Variants in APC2 observed in about 807,000 individuals in gnomAD.
The protein encoded by APC2 is APC regulator of Wnt signaling pathway 2.
In APC2, 41 loss-of-function variants were observed where a neutral mutation model predicts 72.5. That is an observed-to-expected ratio of 0.57 (90% CI 0.44 to 0.73). The LOEUF (loss-of-function observed/expected upper bound fraction) is 0.73, where lower values mean the gene tolerates loss of function less well. Ranked by LOEUF, APC2 falls within the 30% of genes least tolerant of loss-of-function variation. The pLI is 0.00. For synonymous variants in APC2, 1,898 were observed against 1,612.0 expected, an observed-to-expected ratio of 1.18 and a Z score of -4.25; for missense variants, 3,729 against 3,403.4, an observed-to-expected ratio of 1.10 and a Z score of -2.38.
chr19:1,453,031 G>A lies in APC2; in HGVS notation c.30G>A (p.Gln10=). Residue 10 remains glutamine (Q), a synonymous_variant, in exon 2 of 15, where the codon CAG becomes CAA. Transcript: ENST00000590469. ...CGAGCTCCGTGGCGCCCTACGAGCA[G>A]CTGGTGAGGCAGGTGGAGGCCTTGA... The part of the protein sequence containing the change: MASSVAPYE[Q]LVRQVEALKA... The A allele has an allele frequency of 6.2e-7, 1 of 1,611,374 alleles. No individual in the cohort carries two copies. Among genetic ancestry groups the A allele is most frequent in the Non-Finnish European group, 8.5e-7 (1 of 1,179,960 alleles).
In APC2 at chr19:1,469,362, C is replaced by T; in HGVS notation, c.6061C>T (p.Pro2021Ser). Residue 2021 changes from proline (P) to serine (S), a missense_variant, in exon 15 of 15, where the codon CCC becomes TCC. By Grantham distance (74) the Pro-to-Ser change is moderately conservative. Coordinates refer to ENST00000590469, the MANE Select transcript of APC2 (RefSeq NM_005883.3). ...LSSAESAASA[P>S]QGASPRRGRP... ...CTCGGCCGAGTCCGCGGCCTCTGCCCCCCAGGGCGCCTCGCCCCGCCGCGG... is the reference window on the plus strand; with the variant it reads ...CTCGGCCGAGTCCGCGGCCTCTGCCTCCCAGGGCGCCTCGCCCCGCCGCGG... 1 of 1,269,122 alleles carries T rather than the reference C, an allele frequency of 7.9e-7. No individual in the cohort carries two copies. Among genetic ancestry groups the T allele is most frequent in the African/African-American group, 1.6e-5 (1 of 63,264 alleles). The allele number at this position is 1,269,122 out of a possible 1,614,324, so 78.6% of individuals were successfully genotyped here.
At chr19:1,462,200 GCA>G in intron 14 of APC2, 23 bp downstream of exon 14, 1 of 1,213,856 alleles carries the variant, frequency 8.2e-7, no homozygotes, top group Non-Finnish European at 1.1e-6. Flanking sequence ...CCCCCCACCC[GCA>G]CACAGGCAGC....
chr19:1,455,375 C>A lies in APC2; in HGVS notation c.523-9C>A, dbSNP rs528448967. ...CCCTCACCGTGGCCCGCCCGCCTGC[C>A]TTTGCCAGCAGTTCTCGATGCAGAT... On this transcript the variant is annotated splice_polypyrimidine_tract_variant and intron_variant, in intron 5 of 14. Coordinates refer to ENST00000590469, the MANE Select transcript of APC2 (RefSeq NM_005883.3). 1 of 1,607,280 alleles carries A rather than the reference C, an allele frequency of 6.2e-7. No individual in the cohort carries two copies. Among genetic ancestry groups the A allele is most frequent in the East Asian group, 2.2e-5 (1 of 44,652 alleles).
chr19:1,466,860 G>A lies in APC2; in HGVS notation c.3559G>A (p.Gly1187Arg), dbSNP rs866058273. ...CTCCATCCCCAGTGAACCTTGCAGCGGGCAGGGCAGCGGCACCATCAGCCC... is the reference window on the plus strand; with the variant it reads ...CTCCATCCCCAGTGAACCTTGCAGCAGGCAGGGCAGCGGCACCATCAGCCC... ...ASSIPSEPCS[G>R]QGSGTISPSE... Residue 1187 changes from glycine (G) to arginine (R), a missense_variant, in exon 15 of 15, where the codon GGG becomes AGG. By Grantham distance (125) the Gly-to-Arg change is moderately radical. Transcript: ENST00000590469. The A allele has an allele frequency of 5.1e-6, 8 of 1,561,730 alleles. No individual in the cohort carries two copies. The African/African-American group carries it at 6.8e-5, about 13-fold the overall frequency.
chr19:1,450,261 C>T lies in APC2; in HGVS notation c.-96C>T, dbSNP rs1388112186. On this transcript the variant is annotated 5_prime_UTR_variant, in exon 1 of 15. Transcript: ENST00000590469. The stretch of plus-strand genomic sequence containing the variant: ...CGAGGCCACCCCGGGCCGGGATTTC[C>T]GGTGGGGCCCGCGGAGCCGCGCAGA... 1.0e-6 allele frequency: 1 copy of T among 985,416 alleles called. No homozygotes were observed. The highest frequency in any genetic ancestry group is 1.2e-6 in the Non-Finnish European group (1 of 829,930). 61.0% of individuals were successfully genotyped at this position (985,416 alleles called of 1,614,324 possible).
upstream of APC2, among the ~76,000 whole-genome samples, chr19:1,447,388 G>C (rs189151429): frequency 6.6e-6 from 1 of 152,196 alleles, no homozygotes; most frequent in Non-Finnish European, 1.5e-5. Context: ...GCGGACTTGC[G>C]GGGAGGTGTC....
Position 1,450,188 on chromosome 19 carries a change from C to T in APC2, c.-169C>T, listed in dbSNP as rs1599127010. ...CCAGGCCCGGACCGGGCTTTGTCCG[C>T]CCCGGAGCCCCTGCCCGCGCCGCGG... On this transcript the variant is annotated 5_prime_UTR_variant, in exon 1 of 15. Coordinates refer to ENST00000590469, the MANE Select transcript of APC2 (RefSeq NM_005883.3). The T allele has an allele frequency of 1.0e-6, 1 of 985,370 alleles. No individual in the cohort carries two copies. Among genetic ancestry groups the T allele is most frequent in the Non-Finnish European group, 1.2e-6 (1 of 829,914 alleles). 61.0% of individuals were successfully genotyped at this position (985,370 alleles called of 1,614,324 possible).
rs1400355723 is a variant in APC2 at position 1,466,076 on chromosome 19, C to T, written c.2775C>T (p.Asp925=). The change falls in exon 15 of 15, where the codon GAC becomes GAT. Residue 925 remains aspartate, a synonymous_variant. Transcript: ENST00000590469. ...LKAAHASLSN[D]SLNSGSASDG... ...CGGCCCACGCCAGCCTCTCCAACGA[C>T]AGCCTCAACAGCGGCAGTGCCAGCG... 1 of 1,523,610 alleles carries T rather than the reference C, an allele frequency of 6.6e-7. No individual in the cohort carries two copies. Among genetic ancestry groups the T allele is most frequent in the Non-Finnish European group, 8.7e-7 (1 of 1,144,452 alleles). The allele number at this position is 1,523,610 out of a possible 1,614,324, so 94.4% of individuals were successfully genotyped here.
chr19:1,461,510 G>A (rs1053841083), intron 13 of APC2: 29 of 370,472 alleles, frequency 7.8e-5, no homozygotes, highest in East Asian at 1.2e-4. Context: ...CGGAGGTTGC[G>A]CCACTGCATT....
chr19:1,453,814 C>T (rs1220583112), intron 4 of APC2, among the ~76,000 whole-genome samples: 4 of 152,210 alleles, frequency 2.6e-5, no homozygotes, highest in Admixed American at 2.6e-4. Context: ...CTCCCCAGCC[C>T]GGCTGACCTC....
chr19:1,467,293 GCCCTCGCGGCGCCGCGGA>G lies in APC2; in HGVS notation c.3995_4012del (p.Pro1332_Asp1337del), dbSNP rs1333268031. The G allele has an allele frequency of 4.8e-5, 64 of 1,321,538 alleles. No homozygotes were observed. The highest frequency in any genetic ancestry group is 6.2e-5 in the Non-Finnish European group (64 of 1,039,836). 81.9% of individuals were successfully genotyped at this position (1,321,538 alleles called of 1,614,324 possible). ...GAGGGGCCGGCGCCCACGGGTTCTC[GCCCTCGCGGCGCCGCGGA>G]CCAGGAGCTGGAACTGCTGCGGGAG... On this transcript the variant is annotated inframe_deletion, in exon 15 of 15. Coordinates refer to ENST00000590469, the MANE Select transcript of APC2 (RefSeq NM_005883.3).
intron 9 of APC2, chr19:1,457,445 C>A: frequency 1.4e-6 from 1 of 734,092 alleles, no homozygotes; most frequent in Non-Finnish European, 2.1e-6. Flanking sequence ...GCAGAGTAAA[C>A]GCTCGGGAAG....
Position 1,450,163 on chromosome 19 carries a change from C to A in APC2, c.-194C>A. On this transcript the variant is annotated 5_prime_UTR_variant, in exon 1 of 15. Coordinates refer to ENST00000590469, the MANE Select transcript of APC2 (RefSeq NM_005883.3). ...CGCTAGGAGCGGCAGCGCCGCCTGCCCAGGCCCGGACCGGGCTTTGTCCGC... is the reference window on the plus strand; with the variant it reads ...CGCTAGGAGCGGCAGCGCCGCCTGCACAGGCCCGGACCGGGCTTTGTCCGC... 1 of 985,326 alleles carries A rather than the reference C, an allele frequency of 1.0e-6. No homozygotes were observed. The highest frequency in any genetic ancestry group is 1.1e-4 in the East Asian group (1 of 8,788). 61.0% of individuals were successfully genotyped at this position (985,326 alleles called of 1,614,324 possible).
chr19:1,461,945 C>T lies in APC2; in HGVS notation c.1639-18C>T. Reference sequence around the variant, plus strand: ...GCCACTCAGGCCCTGACCCGCCCCTCTCCCGCCCCTCGTCCAGGAGTCCAC... The same window carrying T: ...GCCACTCAGGCCCTGACCCGCCCCTTTCCCGCCCCTCGTCCAGGAGTCCAC... On this transcript the variant is annotated intron_variant, in intron 13 of 14. Coordinates refer to ENST00000590469, the MANE Select transcript of APC2 (RefSeq NM_005883.3). The T allele has an allele frequency of 6.3e-7, 1 of 1,593,274 alleles. No homozygotes were observed. The highest frequency in any genetic ancestry group is 1.1e-5 in the South Asian group (1 of 90,530).
At chr19:1,450,098 T>G (rs557587357), upstream of APC2, 12 of 973,076 alleles carry the variant, frequency 1.2e-5, no homozygotes, top group Non-Finnish European at 1.5e-5. Context: ...CCCGCATCCC[T>G]CATCCCGCAT....
rs762710357 is a variant in APC2 at position 1,465,635 on chromosome 19, TGAC to T, written c.2343_2345del (p.Asp782del). 1 of 1,603,912 alleles carries T rather than the reference TGAC, an allele frequency of 6.2e-7. No homozygotes were observed. Among genetic ancestry groups the T allele is most frequent in the African/African-American group, 1.3e-5 (1 of 74,716 alleles). On this transcript the variant is annotated inframe_deletion, in exon 15 of 15. Coordinates refer to ENST00000590469, the MANE Select transcript of APC2 (RefSeq NM_005883.3). ...ACTATGCTTCCGATTCGGGCTGCTT[TGAC>T]GACGACGATGCACCGTCATCCCTGG...
intron 13 of APC2, 158 bp from the exon 14 acceptor site, chr19:1,461,805 T>TCTCGCCACTGCACTCCAGCCTGGGGGAG: frequency 1.6e-6 from 1 of 630,576 alleles, no homozygotes; most frequent in Non-Finnish European, 2.7e-6. Context: ...TGAGTCGAGA[T>TCTCGCCACTGCACTCCAGCCTGGGGGAG]CTCGCCACTG....
In APC2 at chr19:1,467,039, C is replaced by T; in HGVS notation, c.3738C>T (p.Cys1246=). ...YVKRFLDIAD[C]RERCRLPSEL... ...AGCGCTTCCTGGACATCGCCGACTGCCGGGAGCGCTGCCGGCTGCCATCTG... is the reference window on the plus strand; with the variant it reads ...AGCGCTTCCTGGACATCGCCGACTGTCGGGAGCGCTGCCGGCTGCCATCTG... Residue 1246 remains cysteine, a synonymous_variant, in exon 15 of 15, where the codon TGC becomes TGT. Coordinates refer to ENST00000590469, the MANE Select transcript of APC2 (RefSeq NM_005883.3). 1 of 1,611,626 alleles carries T rather than the reference C, an allele frequency of 6.2e-7. No individual in the cohort carries two copies. Among genetic ancestry groups the T allele is most frequent in the African/African-American group, 1.3e-5 (1 of 75,052 alleles).
intron 8 of APC2, among the ~76,000 whole-genome samples, chr19:1,456,649 TG>T (rs1053763815): frequency 1.9e-4 from 29 of 152,162 alleles, no homozygotes; most frequent in Admixed American, 1.2e-3. Context: ...CCCTTGGCTC[TG>T]CGCGGCCACC....
Sources: gnomAD v4.1 joint callset for allele counts (sites outside exome capture counted in the v4.1 genomes callset) on GRCh38, gnomAD v4.1.1 for gene constraint, MANE v1.5 for transcripts, NCBI Gene and HGNC (gene_info 2026-07-23, HGNC 2026-07-21) for gene names.